Variants in AZIN1 observed in about 807,000 individuals in gnomAD.
AZIN1 encodes ornithine decarboxylase antizyme inhibitor.
Under a neutral mutation model 47.4 loss-of-function variants are expected in AZIN1, and 12 were observed. That is an observed-to-expected ratio of 0.25 (90% confidence interval 0.16 to 0.41). The LOEUF (loss-of-function observed/expected upper bound fraction) is 0.41, where lower values mean the gene tolerates loss of function less well. Ranked by LOEUF, AZIN1 falls within the 10% of genes least tolerant of loss-of-function variation. The probability of loss-of-function intolerance (pLI) is 1.00; values close to 1 mark genes in which losing one functional copy is unlikely to be tolerated. For synonymous variants in AZIN1, 155 were observed against 176.3 expected, an observed-to-expected ratio of 0.88 and a Z score of 0.96; for missense variants, 410 against 532.4, an observed-to-expected ratio of 0.77 and a Z score of 2.26.
At chr8:102,854,615 T>TAC (rs2131273573) in intron 2 of AZIN1, 1 of 136,768 alleles carries the variant, frequency 7.3e-6, no homozygotes, top group South Asian at 2.3e-4. Flanking sequence ...AAAATATATA[T>TAC]ATATATATAT....
At chr8:102,856,290 C>G (rs551655935) in intron 2 of AZIN1, among the ~76,000 whole-genome samples, 3 of 152,098 alleles carry the variant, frequency 2.0e-5, no homozygotes, top group Admixed American at 1.3e-4. Context: ...ATTTGTTTGA[C>G]ATAATATGCA....
chr8:102,845,988 C>A (rs997245641), intron 2 of AZIN1, among the ~76,000 whole-genome samples: 4 of 152,120 alleles, frequency 2.6e-5, no homozygotes, highest in Non-Finnish European at 5.9e-5. Flanking sequence ...TTTCCAAGAA[C>A]CTACTGATGA....
At chr8:102,834,644 T>G (rs1265400362) in intron 7 of AZIN1, 22 bp downstream of exon 7, 1 of 1,544,986 alleles carries the variant, frequency 6.5e-7, no homozygotes, top group South Asian at 1.2e-5. Flanking sequence ...AATATCAAAA[T>G]AACTTAAAAG....
At chr8:102,830,905 G>A (rs529447625) in intron 9 of AZIN1, among the ~76,000 whole-genome samples, 2 of 152,204 alleles carry the variant, frequency 1.3e-5, no homozygotes, top group Non-Finnish European at 2.9e-5. Flanking sequence ...GTGCAGTAGC[G>A]TGATCACAGG....
In AZIN1 at chr8:102,827,705, C is replaced by T. The variant is rs545331773; in HGVS notation, c.*862G>A. On this transcript the variant is annotated 3_prime_UTR_variant, in exon 12 of 12. Transcript: ENST00000337198. ...AGGTACTCTATGCATTCTATCTATA[C>T]AGAAACACCTATTTATTATTACAGT... 2 of 152,592 alleles carry T rather than the reference C, an allele frequency of 1.3e-5. No individual in the cohort carries two copies. Among genetic ancestry groups the T allele is most frequent in the African/African-American group, 4.8e-5 (2 of 41,438 alleles). The allele number at this position is 152,592 out of a possible 1,614,324, so 9.5% of individuals were successfully genotyped here. A position where few individuals can be genotyped will look rare whatever the true frequency, so the allele number is the denominator to read the frequency against.
chr8:102,855,118 G>A (rs181547434), intron 2 of AZIN1, among the ~76,000 whole-genome samples: 7 of 152,266 alleles, frequency 4.6e-5, no homozygotes, highest in Non-Finnish European at 8.8e-5. Context: ...GCAATGGCAC[G>A]ATCTCGGCTC....
At position 102,828,453 on chromosome 8, in the gene AZIN1, T is replaced by C. The variant is rs1811224992; in HGVS notation, c.*114A>G. 1.5e-6 allele frequency: 1 copy of C among 667,108 alleles called. No individual in the cohort carries two copies. The highest frequency in any genetic ancestry group is 3.3e-5 in the Admixed American group (1 of 30,504). The allele number at this position is 667,108 out of a possible 1,614,324, so 41.3% of individuals were successfully genotyped here. On this transcript the variant is annotated 3_prime_UTR_variant, in exon 12 of 12. Transcript: ENST00000337198. Reference sequence around the variant, plus strand: ...CCCAAATAGCTATTACTAATAGTTTTTGTTGCCAAAAGAATTAAGAGAATA... The same window carrying C: ...CCCAAATAGCTATTACTAATAGTTTCTGTTGCCAAAAGAATTAAGAGAATA...
intron 3 of AZIN1, among the ~76,000 whole-genome samples, chr8:102,843,205 CAAAAA>C (rs10713233): frequency 1.0e-5 from 1 of 97,262 alleles, no homozygotes; most frequent in African/African-American, 3.7e-5. Flanking sequence ...GACTCGTCTC[CAAAAA>C]AAAAAAAAAA....
chr8:102,830,620 G>A (rs1266914970), intron 9 of AZIN1, among the ~76,000 whole-genome samples: 1 of 147,638 alleles, frequency 6.8e-6, no homozygotes, highest in Non-Finnish European at 1.5e-5. Context: ...TTCCAGCCTG[G>A]ATAACAGAGC....
chr8:102,856,086 T>C (rs1813268146), intron 2 of AZIN1: 1 of 143,390 alleles, frequency 7.0e-6, no homozygotes, highest in African/African-American at 2.8e-5. Flanking sequence ...CAGGTCAAGT[T>C]TTTTTTGTTT....
At chr8:102,836,536 A>G (rs1216188552) in intron 5 of AZIN1, 146 bp from the exon 6 acceptor site, 1 of 844,546 alleles carries the variant, frequency 1.2e-6, no homozygotes, top group African/African-American at 1.7e-5. Context: ...CTAATGAAAA[A>G]CAATCCTGTA....
Position 102,829,482 on chromosome 8 carries a change from T to C in AZIN1, c.1025A>G (p.Tyr342Cys). 6.3e-7 allele frequency: 1 copy of C among 1,597,048 alleles called. No homozygotes were observed. Among genetic ancestry groups the C allele is most frequent in the Admixed American group, 1.8e-5 (1 of 54,740 alleles). Residue 342 changes from tyrosine (Y) to cysteine (C), a missense_variant, in exon 11 of 12, where the codon TAC becomes TGC. Transcript: ENST00000337198. ...LNTIPEVHKK[Y>C]KEDEPLFTSS... is the part of the protein sequence containing the mutation. ...TGTAAACAGAGGCTCATCTTCCTTG[T>C]ATTTCTGTAGGAAAAGTTTTACAAT...
At chr8:102,828,768 C>A in intron 11 of AZIN1, 90 bp from the exon 12 acceptor site, 1 of 762,990 alleles carries the variant, frequency 1.3e-6, no homozygotes, top group Admixed American at 2.7e-5. Context: ...AGGATTATAA[C>A]TAGTCTTCCA....
intron 11 of AZIN1, among the ~76,000 whole-genome samples, chr8:102,828,884 G>A (rs1315282999): frequency 6.6e-6 from 1 of 152,204 alleles, no homozygotes; most frequent in African/African-American, 2.4e-5. Context: ...AAATTACAGT[G>A]AAGTTTAAAA....
intron 2 of AZIN1, among the ~76,000 whole-genome samples, chr8:102,851,759 T>C (rs1812933588): frequency 6.6e-6 from 1 of 152,154 alleles, no homozygotes; most frequent in Non-Finnish European, 1.5e-5. Context: ...ACCTCTCCCT[T>C]AGAATTTGTT....
chr8:102,835,814 G>A (rs1811786389), intron 6 of AZIN1, among the ~76,000 whole-genome samples: 1 of 152,042 alleles, frequency 6.6e-6, no homozygotes. Context: ...TCAAGTATTT[G>A]AACCTCTTGG....
rs1811818793 is a variant in AZIN1 at position 102,836,293 on chromosome 8, A to G, written c.547T>C (p.Cys183Arg). ...TLKNCRHLLE[C>R]AKELDVQIIG... The stretch of plus-strand genomic sequence containing the variant: ...ATTTGGACATCAAGTTCCTTAGCAC[A>G]TTCCAAGAGATGCCTACAGTTCTTC... The change falls in exon 6 of 12, where the codon TGT (cysteine) becomes CGT (arginine). Residue 183 changes from cysteine to arginine, a missense_variant. Cys to Arg is a radical substitution (Grantham distance 180). Transcript: ENST00000337198. 1 of 1,614,028 alleles carries G rather than the reference A, an allele frequency of 6.2e-7. No homozygotes were observed. The highest frequency in any genetic ancestry group is 1.3e-5 in the African/African-American group (1 of 75,050).
intron 6 of AZIN1, among the ~76,000 whole-genome samples, chr8:102,836,005 G>T (rs1262780368): frequency 3.9e-5 from 6 of 152,148 alleles, no homozygotes; most frequent in African/African-American, 1.4e-4. Flanking sequence ...TGCACTAACT[G>T]AATCAAAATA....
At chr8:102,856,209 C>G (rs1351041496) in intron 2 of AZIN1, 5 of 150,918 alleles carry the variant, frequency 3.3e-5, no homozygotes, top group African/African-American at 4.9e-5. Flanking sequence ...GGACCTGTAG[C>G]TTTATAGCAA....
Sources: allele counts gnomAD v4.1 joint callset (sites outside exome capture counted in the v4.1 genomes callset), GRCh38; gene constraint gnomAD v4.1.1; transcripts MANE v1.5; gene names NCBI Gene and HGNC (gene_info 2026-07-23, HGNC 2026-07-21).